Variants in CCDC125 observed in about 807,000 individuals in gnomAD.
The protein encoded by CCDC125 is coiled-coil domain-containing protein 125.
CCDC125 carries 43 observed loss-of-function variants against 57.4 expected under a neutral mutation model. The ratio of observed to expected loss-of-function variants is 0.75; its 90% CI spans 0.59 to 0.97. The LOEUF (loss-of-function observed/expected upper bound fraction) is 0.97. Among genes scored for constraint, CCDC125 ranks in the 50% least tolerant of loss-of-function variants. The pLI, the probability that CCDC125 is intolerant of heterozygous loss-of-function variation, is 0.00. For missense variants in CCDC125, 563 were observed against 595.7 expected, an observed-to-expected ratio of 0.95 and a Z score of 0.57; for synonymous variants, 187 against 195.2, an observed-to-expected ratio of 0.96 and a Z score of 0.35.
Position 69,300,102 on chromosome 5 carries a change from G to A in CCDC125, c.726C>T (p.Ala242=). 1 of 1,614,034 alleles carries A rather than the reference G, an allele frequency of 6.2e-7. No homozygotes were observed. The highest frequency in any genetic ancestry group is 8.5e-7 in the Non-Finnish European group (1 of 1,179,976). Residue 242 remains alanine, a synonymous_variant, in exon 8 of 12, where the codon GCC becomes GCT. Transcript: ENST00000396496. ...NAVLNQRYLE[A]LAMLDIKQQK... is the part of the protein sequence containing the mutation. ...GCTGTTTGATATCAAGCATGGCGAGGGCCTCCAAATACCGTTGATTCAAAA... is the reference window on the plus strand; with the variant it reads ...GCTGTTTGATATCAAGCATGGCGAGAGCCTCCAAATACCGTTGATTCAAAA...
rs1241030458 is a variant in CCDC125, at chr5:69,281,236, C to T, written c.*1493G>A. The T allele has an allele frequency of 6.6e-6, 1 of 152,090 alleles. No homozygotes were observed. The highest frequency in any genetic ancestry group is 2.4e-5 in the African/African-American group (1 of 41,394). The allele number at this position is 152,090 out of a possible 1,614,324, so 9.4% of individuals were successfully genotyped here. ...TTTTTTATTGAGTTGTGGTTTATGC[C>T]TGTAATCCCAGCACTTTGAGAGGCT... On this transcript the variant is annotated 3_prime_UTR_variant, in exon 12 of 12. Coordinates refer to ENST00000396496, the MANE Select transcript of CCDC125 (RefSeq NM_176816.5).
At chr5:69,331,063 G>C (rs1230554316) in intron 1 of CCDC125, among the ~76,000 whole-genome samples, 20 of 152,036 alleles carry the variant, frequency 1.3e-4, no homozygotes. Context: ...AGCACTTTGG[G>C]AGGCTGAGGC....
In CCDC125 at chr5:69,291,457, C is replaced by T. The variant is rs1010781801; in HGVS notation, c.1099+731G>A. Among the ~76,000 whole-genome samples the T allele has an allele frequency of 3.3e-5, 5 of 151,950 alleles. No homozygotes were observed. In the South Asian group the frequency reaches 6.3e-4, roughly 19 times the overall value. On this transcript the variant is annotated intron_variant, in intron 10 of 11. Transcript: ENST00000396496. ...GCAACCTCTGCCTCCTGGGTTCAAG[C>T]GATTCTTCTGCCTCAGCCTCCTGAG... is the stretch of plus-strand genomic sequence containing the variant.
chr5:69,308,525 T>A (rs2150494469), intron 4 of CCDC125: 1 of 187,370 alleles, frequency 5.3e-6, no homozygotes, highest in East Asian at 1.5e-4. Flanking sequence ...GCTGCCATGT[T>A]ATAAGTGCCT....
intron 3 of CCDC125, among the ~76,000 whole-genome samples, chr5:69,311,443 G>A (rs1758125334): frequency 6.6e-6 from 1 of 152,098 alleles, no homozygotes; most frequent in South Asian, 2.1e-4. Context: ...CTGAGGTCAG[G>A]AGTTCACGAC....
chr5:69,286,497 T>C (rs1753504879), intron 10 of CCDC125, among the ~76,000 whole-genome samples: 1 of 151,726 alleles, frequency 6.6e-6, no homozygotes, highest in African/African-American at 2.4e-5. Context: ...CCTCCCAAAA[T>C]GCTGGGATTA....
At position 69,298,679 on chromosome 5, in the gene CCDC125, C is replaced by T. The variant is rs191205502; in HGVS notation, c.816+1333G>A. 5.9e-5 allele frequency among the ~76,000 whole-genome samples: 9 copies of T among 152,316 alleles called. No individual in the cohort carries two copies. In the East Asian group the frequency reaches 1.5e-3, roughly 26 times the overall value. On this transcript the variant is annotated intron_variant, in intron 8 of 11. Coordinates refer to ENST00000396496, the MANE Select transcript of CCDC125 (RefSeq NM_176816.5). ...CTCAGTGCTCCCTCACCAGCTGTGT[C>T]GGGGCCCTTGTTCCTGCCTGGCTGG...
intron 6 of CCDC125, among the ~76,000 whole-genome samples, 190 bp downstream of exon 6, chr5:69,306,627 A>C (rs1013775943): frequency 1.3e-5 from 2 of 152,226 alleles, no homozygotes; most frequent in Non-Finnish European, 2.9e-5. Context: ...GTGAGACACC[A>C]CACCCAGCCT....
In CCDC125 at chr5:69,311,213, A is replaced by C. The variant is rs1580149967; in HGVS notation, c.367-9T>G. 6.4e-7 allele frequency: 1 copy of C among 1,567,796 alleles called. No individual in the cohort carries two copies. Among genetic ancestry groups the C allele is most frequent in the Non-Finnish European group, 8.8e-7 (1 of 1,141,826 alleles). ...TTTAACATTTCTACCTCCTGAGGAC[A>C]GAAAGAAAATTAGTCTTCCTATCTG... is the stretch of plus-strand genomic sequence containing the variant. On this transcript the variant is annotated splice_polypyrimidine_tract_variant and intron_variant, in intron 3 of 11. Coordinates refer to ENST00000396496, the MANE Select transcript of CCDC125 (RefSeq NM_176816.5).
At chr5:69,301,207 T>G (rs1339851371) in intron 7 of CCDC125, among the ~76,000 whole-genome samples, 3 of 151,998 alleles carry the variant, frequency 2.0e-5, no homozygotes, top group Non-Finnish European at 4.4e-5. Flanking sequence ...ACTCCTGGCC[T>G]CAAGCAATCC....
chr5:69,292,238 A>G lies in CCDC125; in HGVS notation c.1049T>C (p.Met350Thr), dbSNP rs761184018. The G allele has an allele frequency of 6.2e-7, 1 of 1,613,584 alleles. No individual in the cohort carries two copies. Among genetic ancestry groups the G allele is most frequent in the Non-Finnish European group, 8.5e-7 (1 of 1,179,920 alleles). ...CATCCATTTTGTTGCTTTTTTATGCATTTTATCCATTTGTGTCAATTGTAG... is the reference window on the plus strand; with the variant it reads ...CATCCATTTTGTTGCTTTTTTATGCGTTTTATCCATTTGTGTCAATTGTAG... Reference protein sequence around the residue: ...QALQLTQMDKMHKKATKWMNW... With the variant: ...QALQLTQMDKTHKKATKWMNW... Residue 350 changes from methionine to threonine, a missense_variant, in exon 10 of 12, where the codon ATG becomes ACG. Coordinates refer to ENST00000396496, the MANE Select transcript of CCDC125 (RefSeq NM_176816.5).
intron 10 of CCDC125, among the ~76,000 whole-genome samples, chr5:69,288,670 G>T (rs1753899812): frequency 6.6e-6 from 1 of 152,214 alleles, no homozygotes; most frequent in Non-Finnish European, 1.5e-5. Flanking sequence ...CCTGAGGAGG[G>T]CGTCATGGGA....
rs186321039 is a variant in CCDC125, at chr5:69,286,262, T to C, written c.1100-795A>G. Among the ~76,000 whole-genome samples, 491 of 138,514 alleles carry C rather than the reference T, an allele frequency of 3.5e-3. 5 individuals are homozygous for C. Among genetic ancestry groups the C allele is most frequent in the African/African-American group, 0.012 (446 of 37,558 alleles). The allele number at this position is 138,514 out of a possible 152,430, so 90.9% of individuals were successfully genotyped here. A position where few individuals can be genotyped will look rare whatever the true frequency, so the allele number is the denominator to read the frequency against. ...TTTTTTTTTTTTTTAGATGGAGTCT[T>C]GTTCTGTCACCCAGGCTGGAGTGCA... On this transcript the variant is annotated intron_variant, in intron 10 of 11. Transcript: ENST00000396496.
chr5:69,319,903 T>C (rs1206001149), intron 2 of CCDC125, among the ~76,000 whole-genome samples: 1 of 152,082 alleles, frequency 6.6e-6, no homozygotes, highest in South Asian at 2.1e-4. Context: ...GGCAAATCAT[T>C]TGAGGTCAGG....
the CCDC125 span, among the ~76,000 whole-genome samples, chr5:69,273,407 C>T: frequency 6.6e-6 from 1 of 152,082 alleles, no homozygotes; most frequent in Non-Finnish European, 1.5e-5. Flanking sequence ...TCATTTAAAT[C>T]TTGTAGCAAT....
chr5:69,316,895 TTATC>T (rs1276838356), intron 2 of CCDC125, among the ~76,000 whole-genome samples: 1 of 152,174 alleles, frequency 6.6e-6, no homozygotes, highest in African/African-American at 2.4e-5. Flanking sequence ...ATTTTGGAAA[TTATC>T]TATTAGTGAT....
At chr5:69,298,025 T>TG (rs1165622381) in intron 8 of CCDC125, among the ~76,000 whole-genome samples, 1 of 151,052 alleles carries the variant, frequency 6.6e-6, no homozygotes, top group Non-Finnish European at 1.5e-5. Flanking sequence ...AATAAAGTTT[T>TG]TTTTTTTTTG....
chr5:69,298,577 C>G (rs1174049654), intron 8 of CCDC125, among the ~76,000 whole-genome samples: 1 of 152,120 alleles, frequency 6.6e-6, no homozygotes, highest in Non-Finnish European at 1.5e-5. Flanking sequence ...CCAAAAGCAA[C>G]TAAGACCTGG....
chr5:69,284,846 C>T (rs938177185), intron 11 of CCDC125, among the ~76,000 whole-genome samples: 3 of 152,156 alleles, frequency 2.0e-5, no homozygotes, highest in African/African-American at 7.2e-5. Flanking sequence ...AATCCCAGCA[C>T]TTTGGGATGC....
Sources: gnomAD v4.1 joint callset for allele counts (sites outside exome capture counted in the v4.1 genomes callset) on GRCh38, gnomAD v4.1.1 for gene constraint, MANE v1.5 for transcripts, NCBI Gene and HGNC (gene_info 2026-07-23, HGNC 2026-07-21) for gene names.